The following ZNF875 variants were observed in gnomAD, a reference collection of about 807,000 sequenced individuals.
The protein encoded by ZNF875 is zinc finger protein 875, also known as HKR1, GLI-Kruppel zinc finger family member.
ZNF875 carries 14 observed loss-of-function variants against 11.2 expected under a neutral mutation model. The ratio of observed to expected loss-of-function variants is 1.26; its 90% CI spans 0.83 to 1.96. The LOEUF (loss-of-function observed/expected upper bound fraction) is 1.96. Among genes scored for constraint, ZNF875 ranks in the 30% most tolerant of loss-of-function variants. ZNF875 has a pLI of 0.00. For missense variants in ZNF875, 752 were observed against 760.4 expected (o/e 0.99, Z 0.13); for synonymous variants, 301 against 281.1 (o/e 1.07, Z -0.71).
At chr19:37,313,548 T>TC (rs2030052364), upstream of ZNF875, among the ~76,000 whole-genome samples, 1 of 152,102 alleles carries the variant, frequency 6.6e-6, no homozygotes, top group Non-Finnish European at 1.5e-5. Context: ...ATACCTACAA[T>TC]CATTGATTCC....
intron 2 of ZNF875, among the ~76,000 whole-genome samples, chr19:37,322,739 G>A (rs532060757): frequency 5.3e-5 from 8 of 152,322 alleles, no homozygotes; most frequent in East Asian, 1.9e-4. Context: ...AAATGCAGCT[G>A]TAAACACTTC....
chr19:37,315,088 A>G (rs1304049471), upstream of ZNF875: 2 of 151,572 alleles, frequency 1.3e-5, no homozygotes, highest in Non-Finnish European at 2.9e-5. Context: ...TTCTGTTTCT[A>G]TGTATTGGTC....
chr19:37,317,218 C>T (rs1262717665), upstream of ZNF875: 1 of 106,124 alleles, frequency 9.4e-6, no homozygotes, highest in Non-Finnish European at 1.7e-5. Context: ...CGGAGTCTCG[C>T]TCTGTCGCTC....
intron 4 of ZNF875, among the ~76,000 whole-genome samples, chr19:37,350,554 G>A (rs2037679577): frequency 6.6e-6 from 1 of 152,010 alleles, no homozygotes. Flanking sequence ...CAGTACTATT[G>A]AGTAAACTAA....
intron 2 of ZNF875, among the ~76,000 whole-genome samples, chr19:37,343,014 C>T (rs148118131): frequency 1.0e-3 from 159 of 152,258 alleles, no homozygotes; most frequent in Middle Eastern, 3.4e-3. Flanking sequence ...CAGCACTTCA[C>T]TTCTGTGTAC....
At chr19:37,332,792 A>AT (rs1003439466), upstream of ZNF875, among the ~76,000 whole-genome samples, 3 of 152,070 alleles carry the variant, frequency 2.0e-5, no homozygotes, top group African/African-American at 7.2e-5. Context: ...GCATGACTAG[A>AT]TTTTTTCTTC....
intron 4 of ZNF875, among the ~76,000 whole-genome samples, chr19:37,327,198 G>T (rs2032611206): frequency 6.6e-6 from 1 of 151,468 alleles, no homozygotes; most frequent in Non-Finnish European, 1.5e-5. Flanking sequence ...TCACCATGTT[G>T]GCCAGGCTGG....
chr19:37,323,146 C>T lies in ZNF875; in HGVS notation c.-698-387C>T, dbSNP rs1384204769. On this transcript the variant is annotated intron_variant, in intron 2 of 5. Coordinates refer to the ZNF875 transcript ENST00000544914. ...GGGTCACAAGGAGTTGTTGGGCAAACGGTCTGATATTTCCTTTTTTTTTTT... is the reference window on the plus strand; with the variant it reads ...GGGTCACAAGGAGTTGTTGGGCAAATGGTCTGATATTTCCTTTTTTTTTTT... Among the ~76,000 whole-genome samples, 16 of 147,184 alleles carry T rather than the reference C, an allele frequency of 1.1e-4. 1 individual carries two copies. In the East Asian group the frequency reaches 1.2e-3, roughly 11 times the overall value.
intron 2 of ZNF875, among the ~76,000 whole-genome samples, chr19:37,336,215 G>A (rs957266157): frequency 7.2e-5 from 11 of 152,032 alleles, no homozygotes; most frequent in African/African-American, 2.7e-4. Flanking sequence ...AGTGGGAGGC[G>A]GCAAGGAAGC....
At chr19:37,347,622 T>C (rs1464134507) in intron 3 of ZNF875, 155 bp from the exon 4 acceptor site, 1 of 623,516 alleles carries the variant, frequency 1.6e-6, no homozygotes, top group Non-Finnish European at 2.9e-6. Context: ...CTGACTGGAG[T>C]CACCTTTCCT....
chr19:37,353,323 CAA>C (rs2038282041), intron 4 of ZNF875, among the ~76,000 whole-genome samples: 1 of 152,210 alleles, frequency 6.6e-6, no homozygotes, highest in Non-Finnish European at 1.5e-5. Flanking sequence ...AAGAATCTCA[CAA>C]GAGTATGTTT....
upstream of ZNF875, among the ~76,000 whole-genome samples, chr19:37,332,378 A>T (rs1321551826): frequency 6.6e-6 from 1 of 152,072 alleles, no homozygotes; most frequent in African/African-American, 2.4e-5. Flanking sequence ...CTACACGCCC[A>T]GCTAATTTTT....
At chr19:37,344,010 C>T (rs138078415) in intron 2 of ZNF875, among the ~76,000 whole-genome samples, 1 of 152,224 alleles carries the variant, frequency 6.6e-6, no homozygotes, top group East Asian at 1.9e-4. Flanking sequence ...TGCAGTCTAC[C>T]CTGTTCTCTA....
At chr19:37,323,217 C>T (rs1400830245) in intron 2 of ZNF875, among the ~76,000 whole-genome samples, 1 of 151,796 alleles carries the variant, frequency 6.6e-6, no homozygotes, top group Non-Finnish European at 1.5e-5. Context: ...TCTGTGGCAC[C>T]GTGTTGGCTC....
chr19:37,339,545 T>TTA (rs1555799183), intron 2 of ZNF875, among the ~76,000 whole-genome samples: 2 of 21,534 alleles, frequency 9.3e-5, no homozygotes, highest in African/African-American at 8.9e-4. Context: ...ACCCTGCCAG[T>TTA]TTTTTTTTTT....
rs772831183 is a variant in ZNF875, at chr19:37,362,737, A to G, written c.885A>G (p.Ser295=). Reference sequence around the variant, plus strand: ...GTGGGCGAGGCTTTACGTGGAAGTCAAACCTGATCACACATCAGAGGACAC... The same window carrying G: ...GTGGGCGAGGCTTTACGTGGAAGTCGAACCTGATCACACATCAGAGGACAC... The part of the protein sequence containing the change: ...RECGRGFTWK[S]NLITHQRTHS... Residue 295 remains serine (S), a synonymous_variant, in exon 5 of 5, where the codon TCA becomes TCG. Coordinates refer to ENST00000392153, the MANE Select transcript of ZNF875 (RefSeq NM_001353803.2). 22 of 1,613,564 alleles carry G rather than the reference A, an allele frequency of 1.4e-5. No individual in the cohort carries two copies. The highest frequency in any genetic ancestry group is 1.8e-5 in the Non-Finnish European group (21 of 1,179,782).
chr19:37,356,064 A>T (rs553910807), intron 4 of ZNF875, among the ~76,000 whole-genome samples: 1 of 152,158 alleles, frequency 6.6e-6, no homozygotes, highest in Admixed American at 6.5e-5. Flanking sequence ...TTCACTTAGG[A>T]TGATGGCCTC....
chr19:37,315,341 T>C (rs558763888), upstream of ZNF875: 1 of 152,358 alleles, frequency 6.6e-6, no homozygotes, highest in South Asian at 2.1e-4. Flanking sequence ...TCCTCCGTTT[T>C]CACCAGTTTG....
intron 2 of ZNF875, chr19:37,322,355 T>G (rs1053397692): frequency 5.9e-5 from 9 of 152,260 alleles, no homozygotes; most frequent in African/African-American, 2.2e-4. Flanking sequence ...ATTTTCATAT[T>G]TTACTATTCA....
Sources: allele counts gnomAD v4.1 joint callset (sites outside exome capture counted in the v4.1 genomes callset), GRCh38; gene constraint gnomAD v4.1.1; transcripts MANE v1.5; gene names NCBI Gene and HGNC (gene_info 2026-07-23, HGNC 2026-07-21).